The following DNAH5 variants were observed in gnomAD, a reference collection of about 807,000 sequenced individuals.
DNAH5 encodes axonemal beta dynein heavy chain 5.
A neutral mutation model predicts 518.2 loss-of-function variants in DNAH5; 372 were observed. That is an observed-to-expected ratio of 0.72 (90% CI 0.66 to 0.78). The LOEUF (loss-of-function observed/expected upper bound fraction) is 0.78, where lower values mean the gene tolerates loss of function less well. Ranked by LOEUF, DNAH5 falls within the 30% of genes least tolerant of loss-of-function variation. The pLI, the probability that DNAH5 is intolerant of heterozygous loss-of-function variation, is 0.00. For missense variants in DNAH5, 5,523 were observed against 5,687.0 expected (o/e 0.97, Z 0.93); for synonymous variants, 2,039 against 2,025.9 (o/e 1.01, Z -0.17).
rs1385419117 is a variant in DNAH5 at position 13,717,358 on chromosome 5, A to G, written c.12662T>C (p.Val4221Ala). Residue 4221 changes from valine (V) to alanine (A), a missense_variant, in exon 73 of 79, where the codon GTG (valine) becomes GCG (alanine). Coordinates refer to ENST00000265104, the MANE Select transcript of DNAH5 (RefSeq NM_001369.3). ...EFNQADFNAT[V>A]QFIQNHLDDM... ...ATCCAAGTGGTTTTGGATGAACTGC[A>G]CAGTGGCATTAAAGTCCGCTTGGTT... 3 of 1,614,064 alleles carry G rather than the reference A, an allele frequency of 1.9e-6. No homozygotes were observed. The highest frequency in any genetic ancestry group is 2.2e-5 in the East Asian group (1 of 44,828).
intron 65 of DNAH5, among the ~76,000 whole-genome samples, chr5:13,739,066 A>G (rs1053452456): frequency 6.6e-6 from 1 of 152,138 alleles, no homozygotes; most frequent in Non-Finnish European, 1.5e-5. Flanking sequence ...TGCGTTTGAC[A>G]GTTCTGACTG....
intron 29 of DNAH5, among the ~76,000 whole-genome samples, chr5:13,861,382 G>A (rs1768391081): frequency 6.6e-6 from 1 of 152,094 alleles, no homozygotes; most frequent in South Asian, 2.1e-4. Flanking sequence ...TTTTGAAATA[G>A]TATGAAGTAC....
At chr5:13,935,155 G>A (rs981362335) in intron 1 of DNAH5, among the ~76,000 whole-genome samples, 1 of 152,124 alleles carries the variant, frequency 6.6e-6, no homozygotes, top group Admixed American at 6.6e-5. Context: ...AAGATGTAAA[G>A]GAACTGAGGG....
intron 63 of DNAH5, 54 bp downstream of exon 63, chr5:13,753,179 A>T: frequency 7.3e-7 from 1 of 1,374,614 alleles, no homozygotes; most frequent in Non-Finnish European, 1.0e-6. Flanking sequence ...ATTTTTGTTT[A>T]TCTGAGGCAA....
rs192868239 is a variant in DNAH5 at position 13,925,564 on chromosome 5, C to T, written c.278-2124G>A. On this transcript the variant is annotated intron_variant, in intron 3 of 78. Coordinates refer to ENST00000265104, the MANE Select transcript of DNAH5 (RefSeq NM_001369.3). ...GCAAGGAGGAGCAAGTCACGTCTTA[C>T]ATGAATGGCAGCAGGCAAAGAGAGG... Among the ~76,000 whole-genome samples, 4 of 152,266 alleles carry T rather than the reference C, an allele frequency of 2.6e-5. No individual in the cohort carries two copies. The East Asian group carries it at 7.7e-4, about 29-fold the overall frequency.
At chr5:13,720,869 A>C in intron 71 of DNAH5, 131 bp downstream of exon 71, 1 of 1,307,908 alleles carries the variant, frequency 7.6e-7, no homozygotes, top group Non-Finnish European at 1.0e-6. Flanking sequence ...TTTAAAAAAA[A>C]AACGCTGTTT....
At chr5:13,811,611 TAA>T in intron 44 of DNAH5, 34 bp downstream of exon 44, 2 of 1,598,050 alleles carry the variant, frequency 1.3e-6, no homozygotes, top group Non-Finnish European at 1.7e-6. Context: ...GCTAAGTTGA[TAA>T]GAGAGAATTT....
chr5:13,915,131 CA>C (rs1240816629), intron 9 of DNAH5, among the ~76,000 whole-genome samples: 1 of 152,034 alleles, frequency 6.6e-6, no homozygotes, highest in African/African-American at 2.4e-5. Context: ...TTCATCTCTC[CA>C]AACTTCACAA....
rs751526276 is a variant in DNAH5, at chr5:13,916,441, A to G, written c.1104T>C (p.Asp368=). ...LYSSDPLSMM[D]AIPTLINAIK... ...TTGCATTTATAAGTGTAGGAATAGC[A>G]TCCATCATGGATAGCTGAAAGATAT... Residue 368 remains aspartate, a synonymous_variant, in exon 9 of 79, where the codon GAT becomes GAC. Transcript: ENST00000265104. 2.6e-6 allele frequency: 4 copies of G among 1,553,880 alleles called. No individual in the cohort carries two copies. The South Asian group carries it at 4.5e-5, about 17-fold the overall frequency.
In DNAH5 at chr5:13,865,776, T is replaced by C. The variant is rs760032538; in HGVS notation, c.4247A>G (p.Tyr1416Cys). ...KKQLNLLQKI[Y>C]TLYNSVIETV... is the part of the protein sequence containing the mutation. ...TTCTATGACACTGTTGTACAGAGTA[T>C]ATATTTTCTGTAGAAGATTTAGTTG... Residue 1416 changes from tyrosine to cysteine, a missense_variant, in exon 27 of 79, where the codon TAT becomes TGT. This residue lies in a region of DNAH5 where 5,121 missense variants were observed against 5,223.3 expected (regional missense o/e 0.98). Coordinates refer to ENST00000265104, the MANE Select transcript of DNAH5 (RefSeq NM_001369.3). 1 of 1,611,528 alleles carries C rather than the reference T, an allele frequency of 6.2e-7. No individual in the cohort carries two copies. The highest frequency in any genetic ancestry group is 8.5e-7 in the Non-Finnish European group (1 of 1,177,624).
At chr5:13,726,684 A>C (rs1745785500) in intron 70 of DNAH5, among the ~76,000 whole-genome samples, 1 of 152,176 alleles carries the variant, frequency 6.6e-6, no homozygotes, top group African/African-American at 2.4e-5. Context: ...TAAATCATTG[A>C]ATCTGGTTGT....
At chr5:13,896,904 T>C (rs1036109574) in intron 15 of DNAH5, among the ~76,000 whole-genome samples, 2 of 152,238 alleles carry the variant, frequency 1.3e-5, no homozygotes, top group African/African-American at 4.8e-5. Context: ...TATATGTGCA[T>C]GTTGGTTTTA....
At chr5:13,816,855 G>A (rs192379204) in intron 42 of DNAH5, among the ~76,000 whole-genome samples, 1 of 152,254 alleles carries the variant, frequency 6.6e-6, no homozygotes, top group African/African-American at 2.4e-5. Context: ...TCCTTCTCCT[G>A]CTTCTTTCTC....
chr5:13,807,035 T>A (rs1241667789), intron 47 of DNAH5, among the ~76,000 whole-genome samples: 2 of 152,148 alleles, frequency 1.3e-5, no homozygotes, highest in Non-Finnish European at 2.9e-5. Flanking sequence ...GAACCAATCA[T>A]AGCTGGGGAT....
At chr5:13,996,532 A>G (rs928749571) in intron 1 of DNAH5, among the ~76,000 whole-genome samples, 5 of 152,230 alleles carry the variant, frequency 3.3e-5, no homozygotes, top group African/African-American at 1.2e-4. Context: ...TAATTTTGGG[A>G]CAGACATAGG....
chr5:13,965,840 TGGTTCCATGGATATCAAGGATACCAA>T (rs1415826858), intron 1 of DNAH5, among the ~76,000 whole-genome samples: 2 of 152,306 alleles, frequency 1.3e-5, no homozygotes, highest in South Asian at 4.1e-4. Flanking sequence ...GGAGAACAGG[TGGTTCCATGGATATCAAGGATACCAA>T]GGTTCCATGG....
intron 22 of DNAH5, among the ~76,000 whole-genome samples, chr5:13,875,133 C>A (rs1383373961): frequency 1.3e-5 from 2 of 152,134 alleles, no homozygotes; most frequent in East Asian, 3.9e-4. Context: ...AAACTAATAT[C>A]TGAGCATTTC....
chr5:13,777,463 G>A, intron 53 of DNAH5, 108 bp from the exon 54 acceptor site: 9 of 944,092 alleles, frequency 9.5e-6, no homozygotes, highest in Non-Finnish European at 1.3e-5. Context: ...TGCTGATTTT[G>A]TTCTATCGTA....
chr5:13,847,312 T>TAA (rs56743884), intron 31 of DNAH5, among the ~76,000 whole-genome samples: 2,995 of 147,848 alleles, frequency 0.02, 92 homozygotes, highest in African/African-American at 0.068. Flanking sequence ...AAAGCTCAGT[T>TAA]AAAAAAAAAA....
Sources: allele counts gnomAD v4.1 joint callset (sites outside exome capture counted in the v4.1 genomes callset), GRCh38; gene constraint gnomAD v4.1.1; regional missense constraint gnomAD v4.1.1; transcripts MANE v1.5; gene names NCBI Gene and HGNC (gene_info 2026-07-23, HGNC 2026-07-21).